The following SV2C variants were observed in gnomAD, a reference collection of about 807,000 sequenced individuals.
SV2C encodes synaptic vesicle glycoprotein 2C.
SV2C carries 49 observed loss-of-function variants against 79.7 expected under a neutral mutation model. The ratio of observed to expected loss-of-function variants is 0.61; its 90% CI spans 0.49 to 0.78. The LOEUF (loss-of-function observed/expected upper bound fraction) is 0.78, where lower values mean the gene tolerates loss of function less well. Ranked by LOEUF, SV2C falls within the 30% of genes least tolerant of loss-of-function variation. The probability of loss-of-function intolerance (pLI) is 0.00; values close to 1 mark genes in which losing one functional copy is unlikely to be tolerated. For missense variants in SV2C, 833 were observed against 912.9 expected (o/e 0.91, Z 1.13); for synonymous variants, 334 against 333.2 (o/e 1.00, Z -0.03).
the SV2C span, among the ~76,000 whole-genome samples, chr5:75,873,679 GA>G: frequency 6.6e-6 from 1 of 152,038 alleles, no homozygotes; most frequent in African/African-American, 2.4e-5. Context: ...TTACGTCTGT[GA>G]TACACTTCAA....
At chr5:76,320,222 C>G (rs972279047) in intron 12 of SV2C, among the ~76,000 whole-genome samples, 2 of 148,936 alleles carry the variant, frequency 1.3e-5, no homozygotes, top group Non-Finnish European at 3.0e-5. Flanking sequence ...GGTTTCAACT[C>G]TGTGACATCC....
At chr5:76,237,992 A>ACACG (rs1554042039) in intron 4 of SV2C, among the ~76,000 whole-genome samples, 22 of 126,140 alleles carry the variant, frequency 1.7e-4, no homozygotes, top group Admixed American at 3.0e-4. Context: ...ACACACACAC[A>ACACG]TACATACATA....
chr5:75,971,959 T>C, the SV2C span, among the ~76,000 whole-genome samples: 19 of 152,216 alleles, frequency 1.2e-4, no homozygotes, highest in African/African-American at 4.6e-4. Flanking sequence ...AACAGCATGG[T>C]ACTGGTACCA....
chr5:76,304,627 G>C (rs1306223058), intron 12 of SV2C, among the ~76,000 whole-genome samples: 1 of 152,186 alleles, frequency 6.6e-6, no homozygotes, highest in Non-Finnish European at 1.5e-5. Context: ...TCAAGATCAA[G>C]GCAGGTTTGG....
chr5:76,132,733 T>G (rs187299041), intron 2 of SV2C, among the ~76,000 whole-genome samples: 16 of 152,272 alleles, frequency 1.1e-4, no homozygotes, highest in African/African-American at 3.6e-4. Context: ...CAGAGATTAG[T>G]TCTGTAAAAC....
chr5:76,249,850 G>A (rs1045336481), intron 4 of SV2C, among the ~76,000 whole-genome samples: 5 of 152,064 alleles, frequency 3.3e-5, no homozygotes, highest in Admixed American at 2.6e-4. Flanking sequence ...AGAGCCATGG[G>A]GTATATAAAT....
At position 76,177,576 on chromosome 5, in the gene SV2C, G is replaced by A. The variant is rs115622397; in HGVS notation, c.581-17343G>A. On this transcript the variant is annotated intron_variant, in intron 2 of 12. Transcript: ENST00000502798. Reference sequence around the variant, plus strand: ...AATAACTTAATATTTTCAGACCATGGTTGGCTGCGAATAACTGAAACCACT... The same window carrying A: ...AATAACTTAATATTTTCAGACCATGATTGGCTGCGAATAACTGAAACCACT... Among the ~76,000 whole-genome samples the A allele has an allele frequency of 9.4e-3, 1,431 of 152,290 alleles. 14 individuals carry two copies. The highest frequency in any genetic ancestry group is 0.032 in the African/African-American group (1,350 of 41,546).
chr5:75,865,946 C>A, the SV2C span, among the ~76,000 whole-genome samples: 16,785 of 152,102 alleles, frequency 0.11, 991 homozygotes, highest in East Asian at 0.16. Context: ...ATGTGCCCTG[C>A]CGGTTGGACT....
rs74976112 is a variant in SV2C, at chr5:76,299,526, C to G, written c.1636+599C>G. Among the ~76,000 whole-genome samples the G allele has an allele frequency of 9.7e-4, 148 of 152,268 alleles. 2 individuals are homozygous for G. The East Asian group carries it at 0.025, about 26-fold the overall frequency. Reference sequence around the variant, plus strand: ...GAACTAGTAATAACAGATGTTTGAACCCAGATTTATTTGATTTCAAAGCCT... The same window carrying G: ...GAACTAGTAATAACAGATGTTTGAAGCCAGATTTATTTGATTTCAAAGCCT... On this transcript the variant is annotated intron_variant, in intron 10 of 12. Coordinates refer to ENST00000502798, the MANE Select transcript of SV2C (RefSeq NM_014979.4).
chr5:76,302,013 A>C (rs2112526805), intron 12 of SV2C, among the ~76,000 whole-genome samples: 1 of 152,282 alleles, frequency 6.6e-6, no homozygotes, highest in African/African-American at 2.4e-5. Context: ...ATATCTTTTA[A>C]AAAGAAAATA....
intron 2 of SV2C, among the ~76,000 whole-genome samples, chr5:76,174,808 G>A (rs1254193738): frequency 6.6e-6 from 1 of 152,230 alleles, no homozygotes; most frequent in East Asian, 1.9e-4. Flanking sequence ...CTCCTATCCT[G>A]ATAAGCAAGG....
the SV2C span, among the ~76,000 whole-genome samples, chr5:76,047,226 C>G: frequency 6.6e-6 from 1 of 152,178 alleles, no homozygotes; most frequent in Non-Finnish European, 1.5e-5. Context: ...TTCCCAGCCC[C>G]CCAGAAGCCC....
chr5:76,320,004 TA>T (rs1331643175), intron 12 of SV2C, among the ~76,000 whole-genome samples: 1 of 152,068 alleles, frequency 6.6e-6, no homozygotes, highest in Admixed American at 6.6e-5. Context: ...ATCTAGAAAC[TA>T]AAATGTTAGT....
chr5:76,191,515 G>A (rs1209134768), intron 2 of SV2C, among the ~76,000 whole-genome samples: 1 of 152,186 alleles, frequency 6.6e-6, no homozygotes, highest in Non-Finnish European at 1.5e-5. Context: ...ATTTCCTAAA[G>A]TTGTTCTGTT....
the SV2C span, among the ~76,000 whole-genome samples, chr5:76,015,316 T>A: frequency 6.6e-6 from 1 of 151,878 alleles, no homozygotes; most frequent in Non-Finnish European, 1.5e-5. Flanking sequence ...GAACAAAAAA[T>A]AAAGCCAAAC....
the SV2C span, among the ~76,000 whole-genome samples, chr5:75,901,203 C>G: frequency 2.6e-5 from 4 of 152,110 alleles, no homozygotes; most frequent in African/African-American, 7.2e-5. Context: ...GTTTTTTCCC[C>G]ATCTTTGTGG....
the SV2C span, among the ~76,000 whole-genome samples, chr5:75,915,556 A>G: frequency 0.035 from 5,351 of 152,296 alleles, 318 homozygotes; most frequent in African/African-American, 0.12. Flanking sequence ...TGAGCAACAC[A>G]GGTCACTGTA....
At chr5:76,325,281 T>C in intron 12 of SV2C, 83 bp from the exon 13 acceptor site, 3 of 1,409,732 alleles carry the variant, frequency 2.1e-6, no homozygotes, top group African/African-American at 2.8e-5. Context: ...GGAAGATCAT[T>C]GAAAATCTAG....
the SV2C span, among the ~76,000 whole-genome samples, chr5:75,930,700 T>G: frequency 6.6e-6 from 1 of 152,224 alleles, no homozygotes; most frequent in Non-Finnish European, 1.5e-5. Context: ...AATGGCACAT[T>G]TAAAGCTTTA....
Sources: gnomAD v4.1 joint callset for allele counts (sites outside exome capture counted in the v4.1 genomes callset) on GRCh38, gnomAD v4.1.1 for gene constraint, MANE v1.5 for transcripts, NCBI Gene and HGNC (gene_info 2026-07-23, HGNC 2026-07-21) for gene names.